ZER1: variants seen among roughly 807,000 people sequenced by gnomAD.
The protein encoded by ZER1 is protein zer-1 homolog.
In ZER1, 11 loss-of-function variants were observed where a neutral mutation model predicts 78.8. The ratio of observed to expected loss-of-function variants is 0.14; its 90% CI spans 0.09 to 0.23. ZER1 has a LOEUF of 0.23. Among genes scored for constraint, ZER1 ranks in the 10% least tolerant of loss-of-function variants. The pLI, the probability that ZER1 is intolerant of heterozygous loss-of-function variation, is 1.00. For synonymous variants in ZER1, 400 were observed against 407.0 expected, an observed-to-expected ratio of 0.98 and a Z score of 0.21; for missense variants, 588 against 996.9, an observed-to-expected ratio of 0.59 and a Z score of 5.52.
chr9:128,763,397 C>A (rs1864109742), intron 1 of ZER1, among the ~76,000 whole-genome samples: 1 of 152,192 alleles, frequency 6.6e-6, no homozygotes, highest in Admixed American at 6.5e-5. Context: ...ATTCAGCATC[C>A]TTGATGGATG....
intron 8 of ZER1, among the ~76,000 whole-genome samples, chr9:128,749,452 C>T (rs566343095): frequency 8.2e-4 from 125 of 152,136 alleles, no homozygotes; most frequent in South Asian, 3.3e-3. Flanking sequence ...GGCATATTGC[C>T]CATCTGAAAT....
In ZER1 at chr9:128,733,450, C is replaced by A. The variant is rs773668026; in HGVS notation, c.2219G>T (p.Arg740Leu). The A allele has an allele frequency of 1.2e-6, 2 of 1,613,796 alleles. No individual in the cohort carries two copies. The highest frequency in any genetic ancestry group is 1.3e-5 in the African/African-American group (1 of 74,900). ...CCGGGCCATTTCCTTGGTCTCCTGC[C>A]GTGCGGTCGCCATCTTAATTATGTC... Reference protein sequence around the residue: ...LRDIIKMATARQETKEMARKV... With the variant: ...LRDIIKMATALQETKEMARKV... The change falls in exon 15 of 16, where the codon CGG becomes CTG. Residue 740 changes from arginine (R) to leucine (L), a missense_variant. Physicochemically the swap from Arg to Leu is moderately radical, Grantham distance 102. This residue lies in a region of ZER1 where 122 missense variants were observed against 173.5 expected (regional missense o/e 0.70). Transcript: ENST00000291900.
chr9:128,759,620 C>A lies in ZER1; in HGVS notation c.-94-3961G>T, dbSNP rs1399696815. 2.6e-5 allele frequency among the ~76,000 whole-genome samples: 4 copies of A among 151,794 alleles called. 1 individual carries two copies. The highest frequency in any genetic ancestry group is 1.3e-4 in the Admixed American group (2 of 15,260). On this transcript the variant is annotated intron_variant, in intron 1 of 15. Transcript: ENST00000291900. ...ACCATCCTGGCTAACACAGTAAAAC[C>A]TTGTCTCTACTAAAAATAGAAAAAA...
rs201229230 is a variant in ZER1 at position 128,752,776 on chromosome 9, A to G, written c.820T>C (p.Phe274Leu). Residue 274 changes from phenylalanine to leucine, a missense_variant, in exon 5 of 16, where the codon TTT (phenylalanine) becomes CTT (leucine). Transcript: ENST00000291900. ...ATTAGGTTCCCCAGCTTCTGCACAAAGAGGCTCAGCACCTCCCGAGTCAGC... is the reference window on the plus strand; with the variant it reads ...ATTAGGTTCCCCAGCTTCTGCACAAGGAGGCTCAGCACCTCCCGAGTCAGC... Reference protein sequence around the residue: ...FKLTREVLSLFVQKLGNLMSL... With the variant: ...FKLTREVLSLLVQKLGNLMSL... The G allele has an allele frequency of 4.0e-5, 64 of 1,614,058 alleles. No individual in the cohort carries two copies. Among genetic ancestry groups the G allele is most frequent in the Non-Finnish European group, 5.2e-5 (61 of 1,180,040 alleles).
At position 128,753,726 on chromosome 9, in the gene ZER1, C is replaced by G; in HGVS notation, c.309+83G>C. 2.6e-6 allele frequency: 4 copies of G among 1,558,892 alleles called. No individual in the cohort carries two copies. The highest frequency in any genetic ancestry group is 3.5e-6 in the Non-Finnish European group (4 of 1,152,438). ...ACAGTCACGGTGCACACTGGCTGGG[C>G]TGGGGATGGCTGGGCTGGAGGCGAG... On this transcript the variant is annotated intron_variant, in intron 3 of 15. Coordinates refer to ENST00000291900, the MANE Select transcript of ZER1 (RefSeq NM_006336.4). The surrounding 1 kb of genome is among the most constrained non-coding windows in gnomAD (Gnocchi z 7.5).
rs149254586 is a variant in ZER1 at position 128,753,632 on chromosome 9, C to T, written c.310-32G>A. Reference sequence around the variant, plus strand: ...GTGGGCACAGCTCCATCATCATCACCACCCTTGCCCCTTCCCCCGGCCCCA... The same window carrying T: ...GTGGGCACAGCTCCATCATCATCACTACCCTTGCCCCTTCCCCCGGCCCCA... On this transcript the variant is annotated intron_variant, in intron 3 of 15. Transcript: ENST00000291900. This position sits in a 1 kb window ranked among gnomAD's most constrained non-coding sequence, Gnocchi z 7.5. 2.2e-4 allele frequency: 350 copies of T among 1,601,636 alleles called. No individual in the cohort carries two copies. The African/African-American group carries it at 3.8e-3, about 17-fold the overall frequency.
chr9:128,739,690 C>G (rs1398308632), intron 13 of ZER1, among the ~76,000 whole-genome samples: 7 of 152,000 alleles, frequency 4.6e-5, no homozygotes, highest in Non-Finnish European at 1.0e-4. Flanking sequence ...TTGCAAAGAG[C>G]AGGCTTTGGG....
chr9:128,736,672 C>CTTTT (rs777824240), intron 13 of ZER1, among the ~76,000 whole-genome samples: 11 of 129,246 alleles, frequency 8.5e-5, no homozygotes, highest in African/African-American at 1.8e-4. Flanking sequence ...CATGCCTGGC[C>CTTTT]TTTTTTTTTT....
At chr9:128,734,028 TGAGGCAGGAGAATGGCGTGAACCCGG>T (rs1198232692) in intron 14 of ZER1, among the ~76,000 whole-genome samples, 1 of 111,176 alleles carries the variant, frequency 9.0e-6, no homozygotes, top group African/African-American at 3.2e-5. Flanking sequence ...CACGGGAGGC[TGAGGCAGGAGAATGGCGTGAACCCGG>T]GAGGCGGAGC....
intron 8 of ZER1, among the ~76,000 whole-genome samples, chr9:128,749,468 A>G (rs1233978868): frequency 6.6e-6 from 1 of 152,056 alleles, no homozygotes; most frequent in Admixed American, 6.6e-5. Context: ...GAAATGAAAA[A>G]AAGTTTTTGT....
chr9:128,749,433 T>C (rs1863606154), intron 8 of ZER1, among the ~76,000 whole-genome samples: 1 of 152,192 alleles, frequency 6.6e-6, no homozygotes, highest in Non-Finnish European at 1.5e-5. Flanking sequence ...CAAACCATGT[T>C]AGGACGTTGG....
intron 13 of ZER1, among the ~76,000 whole-genome samples, chr9:128,739,513 A>G (rs1280223255): frequency 4.0e-5 from 6 of 151,730 alleles, no homozygotes; most frequent in East Asian, 1.9e-4. Flanking sequence ...AAAAAAAAAA[A>G]AAAAGAAAAG....
At chr9:128,734,177 A>ATATAT (rs1554784894) in intron 14 of ZER1, among the ~76,000 whole-genome samples, 3 of 52,722 alleles carry the variant, frequency 5.7e-5, no homozygotes, top group Non-Finnish European at 7.7e-5. Flanking sequence ...TCTTAAAAAA[A>ATATAT]ATATATATAT....
chr9:128,749,742 GA>G (rs970653195), intron 8 of ZER1, among the ~76,000 whole-genome samples: 4 of 148,222 alleles, frequency 2.7e-5, no homozygotes, highest in African/African-American at 1.0e-4. Context: ...GACTCCATCT[GA>G]AAAAAAAATT....
In ZER1 at chr9:128,764,267, T is replaced by C. The variant is rs1325299456; in HGVS notation, c.-95+7314A>G. 3.9e-5 allele frequency among the ~76,000 whole-genome samples: 6 copies of C among 152,066 alleles called. No homozygotes were observed. In the South Asian group the frequency reaches 1.0e-3, roughly 26 times the overall value. ...ATGACAAAGTACTCGCCATCAGAGG[T>C]CTGCACGAGGCCTGGGAGGTATAGT... On this transcript the variant is annotated intron_variant, in intron 1 of 15. Transcript: ENST00000291900.
At chr9:128,752,941 G>A in intron 4 of ZER1, 92 bp from the exon 5 acceptor site, 2 of 1,476,878 alleles carry the variant, frequency 1.4e-6, no homozygotes, top group Non-Finnish European at 1.8e-6. Flanking sequence ...TAGCAGGGGA[G>A]GGCCCATTCC....
chr9:128,769,696 C>T (rs1864324944), intron 1 of ZER1, among the ~76,000 whole-genome samples: 1 of 152,128 alleles, frequency 6.6e-6, no homozygotes, highest in African/African-American at 2.4e-5. Flanking sequence ...GTGTGAGCCA[C>T]CACACCCAGC....
chr9:128,753,762 C>G lies in ZER1; in HGVS notation c.309+47G>C. On this transcript the variant is annotated intron_variant, in intron 3 of 15. Transcript: ENST00000291900. This position sits in a 1 kb window ranked among gnomAD's most constrained non-coding sequence, Gnocchi z 7.5. Reference sequence around the variant, plus strand: ...TGGGCTGGAGGCGAGCAGCCTGGCCCCTGCTTGGTGTGGGCCCTCCTGGCG... The same window carrying G: ...TGGGCTGGAGGCGAGCAGCCTGGCCGCTGCTTGGTGTGGGCCCTCCTGGCG... 3 of 1,585,980 alleles carry G rather than the reference C, an allele frequency of 1.9e-6. No individual in the cohort carries two copies. The highest frequency in any genetic ancestry group is 2.3e-5 in the South Asian group (2 of 88,118).
chr9:128,731,772 A>G (rs774850535), intron 15 of ZER1, among the ~76,000 whole-genome samples: 4 of 152,134 alleles, frequency 2.6e-5, no homozygotes, highest in Non-Finnish European at 5.9e-5. Flanking sequence ...TTCTCTTTCC[A>G]GAAGTCCACC....
Sources: gnomAD v4.1 joint callset for allele counts (sites outside exome capture counted in the v4.1 genomes callset) on GRCh38, gnomAD v4.1.1 for gene constraint, gnomAD v4.1.1 regional missense constraint, Gnocchi (gnomAD v3.1) non-coding constraint, MANE v1.5 for transcripts, NCBI Gene and HGNC (gene_info 2026-07-23, HGNC 2026-07-21) for gene names.